Variants in CAB39L observed in about 807,000 individuals in gnomAD.
CAB39L encodes calcium binding protein 39 like.
Under a neutral mutation model 39.1 loss-of-function variants are expected in CAB39L, and 23 were observed. That is an observed-to-expected ratio of 0.59 (90% confidence interval 0.42 to 0.83). The LOEUF (loss-of-function observed/expected upper bound fraction) is 0.83, where lower values mean the gene tolerates loss of function less well. Ranked by LOEUF, CAB39L falls within the 40% of genes least tolerant of loss-of-function variation. The pLI is 0.00. For missense variants in CAB39L, 366 were observed against 391.9 expected, an observed-to-expected ratio of 0.93 and a Z score of 0.56; for synonymous variants, 126 against 137.2, an observed-to-expected ratio of 0.92 and a Z score of 0.57.
At chr13:49,338,519 T>G (rs9562876) in intron 9 of CAB39L, among the ~76,000 whole-genome samples, 33,088 of 100,290 alleles carry the variant, frequency 0.33, 5,169 homozygotes, top group African/African-American at 0.52. Context: ...GGGGAGGGGG[T>G]AGGGATAGCA....
chr13:49,418,571 T>C (rs1023063793), intron 3 of CAB39L, among the ~76,000 whole-genome samples: 1 of 152,152 alleles, frequency 6.6e-6, no homozygotes, highest in African/African-American at 2.4e-5. Flanking sequence ...ACACATTTTG[T>C]TTATTTATTT....
chr13:49,441,229 A>G (rs1346248931), intron 1 of CAB39L, among the ~76,000 whole-genome samples: 4 of 134,600 alleles, frequency 3.0e-5, no homozygotes, highest in African/African-American at 1.0e-4. Context: ...GTGTATATAT[A>G]TATATATATA....
rs1321460647 is a variant in CAB39L, at chr13:49,350,772, A to G, written c.536T>C (p.Ile179Thr). The G allele has an allele frequency of 1.9e-6, 3 of 1,580,848 alleles. No individual in the cohort carries two copies. The highest frequency in any genetic ancestry group is 2.4e-5 in the South Asian group (2 of 84,576). ...GAAAGTAGCAAAGGCATCTGAAGCA[A>G]TATCAAATGTTGACAACTCCACGTA... ...FKYVELSTFD[I>T]ASDAFATFKD... The change falls in exon 7 of 11, where the codon ATT becomes ACT. Residue 179 changes from isoleucine (I) to threonine (T), a missense_variant. Physicochemically the swap from Ile to Thr is moderately conservative, Grantham distance 89 (BLOSUM62 -1). Coordinates refer to ENST00000409308, the MANE Select transcript of CAB39L (RefSeq NM_001079670.3).
chr13:49,429,049 A>G (rs914193954), intron 3 of CAB39L, among the ~76,000 whole-genome samples: 10 of 152,224 alleles, frequency 6.6e-5, no homozygotes, highest in Non-Finnish European at 1.0e-4. Context: ...AGCATTTTAT[A>G]ATATCCAGAC....
At chr13:49,441,078 T>G (rs750112252) in intron 1 of CAB39L, among the ~76,000 whole-genome samples, 1 of 151,866 alleles carries the variant, frequency 6.6e-6, no homozygotes, top group Non-Finnish European at 1.5e-5. Context: ...GATTTCATCT[T>G]TTCCTTAAAT....
intron 1 of CAB39L, among the ~76,000 whole-genome samples, chr13:49,441,026 A>C (rs901176321): frequency 3.3e-5 from 5 of 151,508 alleles, no homozygotes; most frequent in African/African-American, 1.2e-4. Flanking sequence ...TACGTATCTC[A>C]TGTCTGAGCT....
chr13:49,381,479 G>C (rs1956252334), intron 4 of CAB39L, among the ~76,000 whole-genome samples: 3 of 152,068 alleles, frequency 2.0e-5, no homozygotes, highest in Admixed American at 6.5e-5. Flanking sequence ...TTTCAGCTCA[G>C]ATGTAAATAT....
At chr13:49,371,290 C>T (rs1025692813) in intron 5 of CAB39L, among the ~76,000 whole-genome samples, 10 of 149,982 alleles carry the variant, frequency 6.7e-5, no homozygotes, top group Non-Finnish European at 1.2e-4. Flanking sequence ...TGGGTTCAAG[C>T]GATTCTCCTG....
At chr13:49,333,568 CTTTTTTTTT>C (rs796079933) in intron 9 of CAB39L, among the ~76,000 whole-genome samples, 5 of 111,858 alleles carry the variant, frequency 4.5e-5, no homozygotes, top group Non-Finnish European at 8.9e-5. Context: ...TTCTTTCTTT[CTTTTTTTTT>C]TTTTTTTTTT....
chr13:49,318,088 C>T (rs897682896), intron 10 of CAB39L, among the ~76,000 whole-genome samples: 1 of 152,062 alleles, frequency 6.6e-6, no homozygotes, highest in African/African-American at 2.4e-5. Context: ...ACTAGGATGA[C>T]TGCAAAAACA....
intron 3 of CAB39L, among the ~76,000 whole-genome samples, chr13:49,415,271 C>A (rs1045576543): frequency 2.6e-5 from 4 of 151,340 alleles, no homozygotes; most frequent in Non-Finnish European, 4.4e-5. Flanking sequence ...AATCCCAGCA[C>A]TTTGGGAAGC....
intron 3 of CAB39L, among the ~76,000 whole-genome samples, chr13:49,432,959 T>C (rs142735613): frequency 6.6e-6 from 1 of 152,350 alleles, no homozygotes; most frequent in East Asian, 1.9e-4. Flanking sequence ...CAGAAATCCA[T>C]GGATGCCCCC....
At chr13:49,311,268 G>A (rs978864333) in intron 10 of CAB39L, among the ~76,000 whole-genome samples, 2 of 152,070 alleles carry the variant, frequency 1.3e-5, no homozygotes, top group Non-Finnish European at 2.9e-5. Context: ...TTGTGATATC[G>A]TAGGTCAGTG....
intron 1 of CAB39L, among the ~76,000 whole-genome samples, chr13:49,440,675 T>C (rs145887427): frequency 4.0e-5 from 6 of 151,788 alleles, no homozygotes; most frequent in Non-Finnish European, 8.8e-5. Context: ...GTAGTTCTTG[T>C]AGAGATCTTT....
intron 10 of CAB39L, among the ~76,000 whole-genome samples, chr13:49,314,164 T>C (rs1188392539): frequency 6.6e-6 from 1 of 151,996 alleles, no homozygotes; most frequent in African/African-American, 2.4e-5. Context: ...GGACAGGACG[T>C]GGGAGCAACA....
intron 6 of CAB39L, among the ~76,000 whole-genome samples, chr13:49,353,234 T>C (rs754367919): frequency 6.6e-6 from 1 of 152,200 alleles, no homozygotes; most frequent in South Asian, 2.1e-4. Context: ...ACTCAGCCTA[T>C]TGGCTCACAA....
At chr13:49,428,776 C>T (rs2138726691) in intron 3 of CAB39L, among the ~76,000 whole-genome samples, 2 of 152,174 alleles carry the variant, frequency 1.3e-5, no homozygotes, top group Non-Finnish European at 1.5e-5. Flanking sequence ...AAGTATGTGG[C>T]ATTTTTTGCC....
intron 5 of CAB39L, among the ~76,000 whole-genome samples, chr13:49,363,467 C>A (rs771028135): frequency 6.6e-6 from 1 of 151,860 alleles, no homozygotes; most frequent in Non-Finnish European, 1.5e-5. Flanking sequence ...ACGCATGCCT[C>A]ATGGTAACCT....
chr13:49,397,610 C>T (rs1264458825), intron 3 of CAB39L, among the ~76,000 whole-genome samples: 1 of 151,618 alleles, frequency 6.6e-6, no homozygotes, highest in Non-Finnish European at 1.5e-5. Context: ...ATTGTAGTTC[C>T]AGAAAAAAAA....
Sources: allele counts gnomAD v4.1 joint callset (sites outside exome capture counted in the v4.1 genomes callset), GRCh38; gene constraint gnomAD v4.1.1; transcripts MANE v1.5; gene names NCBI Gene and HGNC (gene_info 2026-07-23, HGNC 2026-07-21).